The following UMODL1 variants were observed in gnomAD, a reference collection of about 807,000 sequenced individuals.
The protein encoded by UMODL1 is uromodulin-like 1.
UMODL1 carries 128 observed loss-of-function variants against 136.3 expected under a neutral mutation model. That is an observed-to-expected ratio of 0.94 (90% CI 0.81 to 1.09). The LOEUF (loss-of-function observed/expected upper bound fraction) is 1.09. Ranked by LOEUF, UMODL1 falls within the 50% of genes least tolerant of loss-of-function variation. The pLI is 0.00. For missense variants in UMODL1, 1,766 were observed against 1,725.6 expected (o/e 1.02, Z -0.41); for synonymous variants, 721 against 720.0 (o/e 1.00, Z -0.02).
chr21:42,131,707 GA>G (rs1195722796), intron 21 of UMODL1, among the ~76,000 whole-genome samples: 1 of 152,054 alleles, frequency 6.6e-6, no homozygotes, highest in Non-Finnish European at 1.5e-5. Context: ...AAGCATTTGG[GA>G]AACTAAAAAA....
At chr21:42,103,023 C>CT (rs948451054) in intron 8 of UMODL1, 2 of 155,744 alleles carry the variant, frequency 1.3e-5, no homozygotes, top group African/African-American at 4.8e-5. Flanking sequence ...AACCCCAACT[C>CT]TAGGGAACCT....
upstream of UMODL1, among the ~76,000 whole-genome samples, chr21:42,070,780 T>G (rs911091178): frequency 6.6e-6 from 1 of 152,230 alleles, no homozygotes; most frequent in Non-Finnish European, 1.5e-5. Context: ...CAGCCCAAGC[T>G]CCGGGAGGAG....
In UMODL1 at chr21:42,085,574, C is replaced by A; in HGVS notation, c.603+162C>A. The A allele has an allele frequency of 8.9e-7, 1 of 1,128,840 alleles. No individual in the cohort carries two copies. 69.9% of individuals were successfully genotyped at this position (1,128,840 alleles called of 1,614,324 possible). A position where few individuals can be genotyped will look rare whatever the true frequency, so the allele number is the denominator to read the frequency against. On this transcript the variant is annotated intron_variant, in intron 4 of 22. Coordinates refer to ENST00000408910, the MANE Select transcript of UMODL1 (RefSeq NM_001004416.3). The surrounding 1 kb of genome is among the most constrained non-coding windows in gnomAD (Gnocchi z 4.5). ...AACGAAATTCTAGTTCTTAAAAAATCAGCTTCAAAGAGGTATGATTTACAT... is the reference window on the plus strand; with the variant it reads ...AACGAAATTCTAGTTCTTAAAAAATAAGCTTCAAAGAGGTATGATTTACAT...
Position 42,127,676 on chromosome 21 carries a change from C to T in UMODL1, c.3535C>T (p.Pro1179Ser), listed in dbSNP as rs760099173. ...TCCCATTTCCTCTCTTCTCAGCTGC[C>T]CTGTGCCCAACACATACACCAACGT... ...ITFSFINNSCPVPNTYTNVIE... is the reference protein window; with the variant it reads ...ITFSFINNSCSVPNTYTNVIE... The change falls in exon 20 of 23, where the codon CCT becomes TCT. Residue 1179 changes from proline (P) to serine (S), a missense_variant. Pro to Ser is a moderately conservative substitution (Grantham distance 74). Transcript: ENST00000408910. The T allele has an allele frequency of 1.5e-5, 25 of 1,613,190 alleles. No individual in the cohort carries two copies. The African/African-American group carries it at 3.2e-4, about 21-fold the overall frequency.
chr21:42,091,844 G>A (rs1177766763), intron 6 of UMODL1, among the ~76,000 whole-genome samples: 1 of 152,242 alleles, frequency 6.6e-6, no homozygotes, highest in Non-Finnish European at 1.5e-5. Context: ...TGAGTCCAGG[G>A]TCACCTCCAG....
rs192021779 is a variant in UMODL1 at position 42,090,414 on chromosome 21, C to A, written c.907C>A (p.Arg303=). 89 of 1,613,950 alleles carry A rather than the reference C, an allele frequency of 5.5e-5. 1 individual carries two copies. In the East Asian group the frequency reaches 1.2e-3, roughly 23 times the overall value. ...CHQEAPATSP[R]KLNLEWEDCP... The stretch of plus-strand genomic sequence containing the variant: ...CCAGGAAGCTCCAGCCACGTCTCCA[C>A]GGAAGCTGAACCTGGAGTGGGAAGG... Residue 303 remains arginine, a synonymous_variant, in exon 6 of 23, where the codon CGG becomes AGG. Transcript: ENST00000408910.
Position 42,123,163 on chromosome 21 carries a change from G to A in UMODL1, c.3147+13G>A. Reference sequence around the variant, plus strand: ...CCTCATGCAGAGCGTAAGACCAGGAGAGCCAGGCTCAGGATGTACACTAGG... The same window carrying A: ...CCTCATGCAGAGCGTAAGACCAGGAAAGCCAGGCTCAGGATGTACACTAGG... On this transcript the variant is annotated intron_variant, in intron 17 of 22. Transcript: ENST00000408910. This position sits in a 1 kb window ranked among gnomAD's most constrained non-coding sequence, Gnocchi z 4.4. 6.2e-7 allele frequency: 1 copy of A among 1,602,448 alleles called. No individual in the cohort carries two copies. Among genetic ancestry groups the A allele is most frequent in the African/African-American group, 1.3e-5 (1 of 74,834 alleles).
chr21:42,125,695 G>T lies in UMODL1; in HGVS notation c.3148-650G>T, dbSNP rs571016559. Among the ~76,000 whole-genome samples, 6 of 152,310 alleles carry T rather than the reference G, an allele frequency of 3.9e-5. No individual in the cohort carries two copies. The East Asian group carries it at 1.2e-3, about 29-fold the overall frequency. ...CCTGTGGCTTCTCGGCAGTTTCCCTGGTGAGGGAGGTCTGGGGTGAGAGGT... is the reference window on the plus strand; with the variant it reads ...CCTGTGGCTTCTCGGCAGTTTCCCTTGTGAGGGAGGTCTGGGGTGAGAGGT... On this transcript the variant is annotated intron_variant, in intron 17 of 22. Coordinates refer to ENST00000408910, the MANE Select transcript of UMODL1 (RefSeq NM_001004416.3).
intron 20 of UMODL1, 133 bp downstream of exon 20, chr21:42,127,964 T>C (rs2067084221): frequency 8.9e-7 from 1 of 1,123,452 alleles, no homozygotes; most frequent in Non-Finnish European, 1.3e-6. Context: ...GCTGTGCCTG[T>C]CCTGCAGACT....
At position 42,111,509 on chromosome 21, in the gene UMODL1, C is replaced by T. The variant is rs2146505353; in HGVS notation, c.1903C>T (p.Gln635Ter). ...CCCACTGGCCCTCCCTGGACAGCTA[C>T]AGGGAAACTCCATCATGGAGCCACC... ...NTGKGVEQEL[Q>*]GNSIMEPPSW... Residue 635 changes from glutamine to a stop codon, truncating the protein, a stop_gained, in exon 12 of 23, where the codon CAG (glutamine) becomes TAG (stop). Coordinates refer to ENST00000408910, the MANE Select transcript of UMODL1 (RefSeq NM_001004416.3). LOFTEE classifies it high-confidence loss of function. 1.2e-6 allele frequency: 2 copies of T among 1,613,834 alleles called. No homozygotes were observed. The highest frequency in any genetic ancestry group is 1.7e-6 in the Non-Finnish European group (2 of 1,179,778).
chr21:42,093,791 A>T, intron 6 of UMODL1: 1 of 431,614 alleles, frequency 2.3e-6, no homozygotes. Context: ...CACAGTGGTC[A>T]TCCCCGGGGT....
In UMODL1 at chr21:42,115,891, G is replaced by T. The variant is rs749233356; in HGVS notation, c.2381G>T (p.Gly794Val). The T allele has an allele frequency of 2.5e-6, 4 of 1,614,058 alleles. No individual in the cohort carries two copies. Among genetic ancestry groups the T allele is most frequent in the Non-Finnish European group, 3.4e-6 (4 of 1,179,970 alleles). ...KVRTAARKLI[G>V]KVRIKNVRYS... ...CCTGCAGCAGCCCGGAAGCTCATTG[G>T]AAAGGTCAGAATCAAAAATGTCAGG... is the stretch of plus-strand genomic sequence containing the variant. The change falls in exon 14 of 23, where the codon GGA becomes GTA. Residue 794 changes from glycine (G) to valine (V), a missense_variant. Physicochemically the swap from Gly to Val is moderately radical, Grantham distance 109. Coordinates refer to ENST00000408910, the MANE Select transcript of UMODL1 (RefSeq NM_001004416.3).
At chr21:42,084,719 C>CAT (rs910837957) in intron 3 of UMODL1, among the ~76,000 whole-genome samples, 23 of 150,200 alleles carry the variant, frequency 1.5e-4, no homozygotes, top group Middle Eastern at 3.5e-3. Context: ...ATGGCCTATA[C>CAT]ATATATATAT....
At chr21:42,071,130 G>A (rs895607829), upstream of UMODL1, among the ~76,000 whole-genome samples, 5 of 152,208 alleles carry the variant, frequency 3.3e-5, no homozygotes, top group Admixed American at 6.5e-5. Context: ...GGGTGTTAAC[G>A]AGCAGGCATA....
At chr21:42,068,357 C>A (rs892839968), upstream of UMODL1, among the ~76,000 whole-genome samples, 1 of 152,152 alleles carries the variant, frequency 6.6e-6, no homozygotes, top group African/African-American at 2.4e-5. This position sits in a 1 kb window ranked among gnomAD's most constrained non-coding sequence, Gnocchi z 5.5. Context: ...ATGTTCCCTC[C>A]CCATGCAGGT....
intron 14 of UMODL1, among the ~76,000 whole-genome samples, chr21:42,117,745 A>G (rs1269252189): frequency 6.6e-6 from 1 of 152,192 alleles, no homozygotes; most frequent in African/African-American, 2.4e-5. Flanking sequence ...TGCATTCAAC[A>G]GTTGTTGACG....
Position 42,114,469 on chromosome 21 carries a change from C to T in UMODL1, c.2362+639C>T, listed in dbSNP as rs114969878. 3.9e-3 allele frequency among the ~76,000 whole-genome samples: 599 copies of T among 152,340 alleles called. 3 individuals are homozygous for T. The highest frequency in any genetic ancestry group is 0.013 in the African/African-American group (550 of 41,572). On this transcript the variant is annotated intron_variant, in intron 13 of 22. Coordinates refer to ENST00000408910, the MANE Select transcript of UMODL1 (RefSeq NM_001004416.3). Reference sequence around the variant, plus strand: ...GTCTGATGTTGCAAGCTGGTTTTCACGCCATGGGCAGCTTCCCAAGCGTTG... The same window carrying T: ...GTCTGATGTTGCAAGCTGGTTTTCATGCCATGGGCAGCTTCCCAAGCGTTG...
chr21:42,116,968 C>A (rs1288204529), intron 14 of UMODL1, among the ~76,000 whole-genome samples: 1 of 152,076 alleles, frequency 6.6e-6, no homozygotes, highest in Non-Finnish European at 1.5e-5. Context: ...CCGAGGTACT[C>A]AGGAGGCTGA....
chr21:42,091,932 G>T (rs769719662), intron 6 of UMODL1, among the ~76,000 whole-genome samples: 1 of 152,236 alleles, frequency 6.6e-6, no homozygotes, highest in Non-Finnish European at 1.5e-5. Flanking sequence ...AACAGTGCCA[G>T]GTCAGTGCAG....
Sources: allele counts gnomAD v4.1 joint callset (sites outside exome capture counted in the v4.1 genomes callset), GRCh38; gene constraint gnomAD v4.1.1; non-coding constraint Gnocchi (gnomAD v3.1); transcripts MANE v1.5; gene names NCBI Gene and HGNC (gene_info 2026-07-23, HGNC 2026-07-21).